Variants in MNAT1 observed in about 807,000 individuals in gnomAD.
MNAT1 encodes the protein CDK-activating kinase assembly factor MAT1.
MNAT1 carries 43 observed loss-of-function variants against 42.0 expected under a neutral mutation model. That is an observed-to-expected ratio of 1.02 (90% CI 0.80 to 1.32). MNAT1 has a LOEUF of 1.32. Ranked by LOEUF, MNAT1 falls within the 40% of genes most tolerant of loss-of-function variation. MNAT1 has a pLI of 0.00. For missense variants in MNAT1, 306 were observed against 350.4 expected, an observed-to-expected ratio of 0.87 and a Z score of 1.01; for synonymous variants, 118 against 120.0, an observed-to-expected ratio of 0.98 and a Z score of 0.11.
intron 6 of MNAT1, among the ~76,000 whole-genome samples, chr14:60,866,224 C>T (rs2034198841): frequency 6.7e-6 from 1 of 149,692 alleles, no homozygotes; most frequent in African/African-American, 2.5e-5. Context: ...GTTAGATTTA[C>T]ATAAAGAGAT....
chr14:60,808,641 G>C, intron 4 of MNAT1: 1 of 296,508 alleles, frequency 3.4e-6, no homozygotes. Flanking sequence ...ATGTTAGACT[G>C]TGCTTTCTTA....
At position 60,734,842 on chromosome 14, in the gene MNAT1, G is replaced by A. The variant is rs777996363; in HGVS notation, c.-21G>A. Reference sequence around the variant, plus strand: ...CTGGCTGAAACAGGCGCCTGCGAGAGTCTGTAGGAGGGAAACCGCCATGGA... The same window carrying A: ...CTGGCTGAAACAGGCGCCTGCGAGAATCTGTAGGAGGGAAACCGCCATGGA... On this transcript the variant is annotated 5_prime_UTR_variant, in exon 1 of 8. Transcript: ENST00000261245. The surrounding 1 kb of genome is among the most constrained non-coding windows in gnomAD (Gnocchi z 4.3). 1 of 1,613,268 alleles carries A rather than the reference G, an allele frequency of 6.2e-7. No individual in the cohort carries two copies. The highest frequency in any genetic ancestry group is 8.5e-7 in the Non-Finnish European group (1 of 1,179,262).
intron 1 of MNAT1, among the ~76,000 whole-genome samples, chr14:60,788,614 A>G (rs1332218151): frequency 6.6e-6 from 1 of 152,214 alleles, no homozygotes; most frequent in East Asian, 1.9e-4. Context: ...AGCCACCTTC[A>G]TCATTATCTT....
At chr14:60,850,596 G>A (rs4151254) in intron 6 of MNAT1, among the ~76,000 whole-genome samples, 2,516 of 152,256 alleles carry the variant, frequency 0.017, 130 homozygotes, top group East Asian at 0.15. Context: ...TGGGACTTGG[G>A]CAAATAACCT....
chr14:60,956,161 G>T (rs538518277), intron 7 of MNAT1, among the ~76,000 whole-genome samples: 12 of 151,806 alleles, frequency 7.9e-5, no homozygotes, highest in Non-Finnish European at 1.8e-4. Flanking sequence ...GACTGCTTTG[G>T]CTACATACCA....
At chr14:60,887,835 C>A (rs1051266263) in intron 7 of MNAT1, among the ~76,000 whole-genome samples, 1 of 151,956 alleles carries the variant, frequency 6.6e-6, no homozygotes, top group African/African-American at 2.4e-5. Flanking sequence ...TGCAAATAAA[C>A]TAGAAAATCT....
intron 7 of MNAT1, among the ~76,000 whole-genome samples, chr14:60,944,180 A>G (rs994284632): frequency 6.6e-6 from 1 of 152,222 alleles, no homozygotes; most frequent in African/African-American, 2.4e-5. Flanking sequence ...TAGTGTTAAG[A>G]AAGTAGACAG....
intron 7 of MNAT1, among the ~76,000 whole-genome samples, chr14:60,950,189 TA>T (rs4151389): frequency 1.3e-5 from 2 of 152,132 alleles, no homozygotes; most frequent in African/African-American, 4.8e-5. Flanking sequence ...CCTTAAAAAA[TA>T]TTTAGCTTTG....
intron 1 of MNAT1, among the ~76,000 whole-genome samples, chr14:60,739,156 A>C (rs1283226539): frequency 6.6e-6 from 1 of 152,090 alleles, no homozygotes; most frequent in African/African-American, 2.4e-5. Context: ...TAGTGATATG[A>C]GCGGAGGTAA....
intron 6 of MNAT1, among the ~76,000 whole-genome samples, chr14:60,869,040 A>ATATATTTT (rs1465360826): frequency 1.3e-4 from 15 of 113,050 alleles, no homozygotes; most frequent in African/African-American, 4.4e-4. Flanking sequence ...ATATATATAT[A>ATATATTTT]TTTTTTTTTT....
intron 1 of MNAT1, among the ~76,000 whole-genome samples, chr14:60,783,136 G>GTAGAC (rs1453547896): frequency 6.6e-6 from 1 of 152,056 alleles, no homozygotes; most frequent in Non-Finnish European, 1.5e-5. Flanking sequence ...TTGTCAAGTG[G>GTAGAC]GTCTAAGCTT....
intron 7 of MNAT1, among the ~76,000 whole-genome samples, chr14:60,904,120 C>G (rs1450952760): frequency 6.6e-6 from 1 of 152,196 alleles, no homozygotes; most frequent in East Asian, 1.9e-4. Context: ...ATCCACCCGC[C>G]TTGGCCTCCC....
chr14:60,897,843 T>A (rs931170884), intron 7 of MNAT1, among the ~76,000 whole-genome samples: 1 of 152,252 alleles, frequency 6.6e-6, no homozygotes, highest in East Asian at 1.9e-4. Context: ...AACTTATTTC[T>A]TCTATCTAAC....
intron 7 of MNAT1, among the ~76,000 whole-genome samples, chr14:60,886,508 G>C (rs1353189092): frequency 2.6e-5 from 4 of 151,682 alleles, no homozygotes; most frequent in Admixed American, 6.6e-5. Flanking sequence ...ATTAGCCTTT[G>C]AAAAAGGCTA....
chr14:60,772,231 A>G (rs995878545), intron 1 of MNAT1, among the ~76,000 whole-genome samples: 3 of 152,180 alleles, frequency 2.0e-5, no homozygotes, highest in Non-Finnish European at 4.4e-5. Flanking sequence ...CACTGCCTCC[A>G]GACTGGGCAA....
At chr14:60,782,544 C>G (rs941887189) in intron 1 of MNAT1, among the ~76,000 whole-genome samples, 2 of 152,126 alleles carry the variant, frequency 1.3e-5, no homozygotes, top group Admixed American at 6.5e-5. Context: ...TTACTGGCTC[C>G]TTTGAAATCT....
intron 7 of MNAT1, among the ~76,000 whole-genome samples, chr14:60,941,294 C>T (rs1301148425): frequency 3.9e-5 from 6 of 152,148 alleles, no homozygotes; most frequent in Non-Finnish European, 5.9e-5. Context: ...AATTTATGGT[C>T]AATACTACTG....
intron 7 of MNAT1, among the ~76,000 whole-genome samples, chr14:60,904,677 CTTAAA>C (rs2035155817): frequency 6.6e-6 from 1 of 151,588 alleles, no homozygotes. Context: ...GTAGTGAGGA[CTTAAA>C]TTATAACATC....
At chr14:60,942,392 A>G (rs1432310331) in intron 7 of MNAT1, among the ~76,000 whole-genome samples, 3 of 151,266 alleles carry the variant, frequency 2.0e-5, no homozygotes, top group African/African-American at 7.3e-5. Context: ...CAAAAATCCT[A>G]TCACCATTTG....
Sources: gnomAD v4.1 joint callset for allele counts (sites outside exome capture counted in the v4.1 genomes callset) on GRCh38, gnomAD v4.1.1 for gene constraint, Gnocchi (gnomAD v3.1) non-coding constraint, MANE v1.5 for transcripts, NCBI Gene and HGNC (gene_info 2026-07-23, HGNC 2026-07-21) for gene names.